Variants in HCN1 observed in about 807,000 individuals in gnomAD.
HCN1 encodes potassium/sodium hyperpolarization-activated cyclic nucleotide-gated channel 1.
In HCN1, 13 loss-of-function variants were observed where a neutral mutation model predicts 78.9. That is an observed-to-expected ratio of 0.16 (90% CI 0.11 to 0.26). The LOEUF (loss-of-function observed/expected upper bound fraction) is 0.26. Among genes scored for constraint, HCN1 ranks in the 10% least tolerant of loss-of-function variants. The probability of loss-of-function intolerance (pLI) is 1.00; values close to 1 mark genes in which losing one functional copy is unlikely to be tolerated. For synonymous variants in HCN1, 552 were observed against 455.5 expected (o/e 1.21, Z -2.70); for missense variants, 810 against 1,154.3 (o/e 0.70, Z 4.32).
intron 2 of HCN1, among the ~76,000 whole-genome samples, chr5:45,523,358 C>A (rs1425606049): frequency 1.3e-5 from 2 of 151,920 alleles, no homozygotes; most frequent in Non-Finnish European, 2.9e-5. Flanking sequence ...ATTTATAGTC[C>A]TTTGGGTATA....
At chr5:45,593,315 CTCTCTCCCTCTCT>C (rs1744418005) in intron 2 of HCN1, among the ~76,000 whole-genome samples, 4 of 117,300 alleles carry the variant, frequency 3.4e-5, no homozygotes, top group Non-Finnish European at 5.1e-5. Flanking sequence ...CTCTCTCTCT[CTCTCTCCCTCTCT>C]CTCTCTCTCT....
At chr5:45,377,083 A>C (rs571796926) in intron 4 of HCN1, among the ~76,000 whole-genome samples, 2 of 152,156 alleles carry the variant, frequency 1.3e-5, no homozygotes, top group South Asian at 4.1e-4. Context: ...GAACTAGAGA[A>C]AATGGTGGAA....
intron 2 of HCN1, among the ~76,000 whole-genome samples, chr5:45,556,087 C>A (rs969526199): frequency 2.0e-5 from 3 of 151,952 alleles, no homozygotes; most frequent in African/African-American, 7.2e-5. Context: ...AAATCTAAGA[C>A]CTCAAACTAT....
chr5:45,401,784 T>C (rs1457951198), intron 3 of HCN1, among the ~76,000 whole-genome samples: 1 of 152,050 alleles, frequency 6.6e-6, no homozygotes, highest in Non-Finnish European at 1.5e-5. Context: ...ATATCTCTTT[T>C]ATTATATATT....
intron 2 of HCN1, chr5:45,558,485 T>C (rs1743521875): frequency 6.6e-6 from 1 of 152,132 alleles, no homozygotes; most frequent in Non-Finnish European, 1.5e-5. Flanking sequence ...AAAAAATAGA[T>C]TTTCAATGTA....
chr5:45,430,013 T>A (rs988284581), intron 3 of HCN1, among the ~76,000 whole-genome samples: 1 of 151,814 alleles, frequency 6.6e-6, no homozygotes, highest in African/African-American at 2.4e-5. Flanking sequence ...TAAATAAGAA[T>A]TGAGCTATTA....
At position 45,631,006 on chromosome 5, in the gene HCN1, C is replaced by T. The variant is rs555909508; in HGVS notation, c.849+14179G>A. 9.2e-5 allele frequency among the ~76,000 whole-genome samples: 14 copies of T among 152,212 alleles called. No individual in the cohort carries two copies. The East Asian group carries it at 1.9e-3, about 21-fold the overall frequency. On this transcript the variant is annotated intron_variant, in intron 2 of 7. Transcript: ENST00000303230. ...ATTATAAAAACGTAGATCACATTTC[C>T]TCCACTATGACCTCATTAGCTAGCT... is the stretch of plus-strand genomic sequence containing the variant.
chr5:45,337,108 T>C (rs1190146699), intron 5 of HCN1, among the ~76,000 whole-genome samples: 1 of 152,094 alleles, frequency 6.6e-6, no homozygotes, highest in East Asian at 1.9e-4. Flanking sequence ...TTGTATACCC[T>C]CTATAATGGT....
At chr5:45,328,380 C>A (rs564944581) in intron 5 of HCN1, among the ~76,000 whole-genome samples, 2 of 151,556 alleles carry the variant, frequency 1.3e-5, no homozygotes, top group East Asian at 3.9e-4. Context: ...TCACTTGAAG[C>A]ATTTTATGGC....
At chr5:45,666,811 T>C (rs556744256) in intron 1 of HCN1, among the ~76,000 whole-genome samples, 6 of 152,162 alleles carry the variant, frequency 3.9e-5, no homozygotes, top group African/African-American at 9.6e-5. Flanking sequence ...ATAAAGACAC[T>C]GCATCATAGA....
At chr5:45,502,387 CAGG>C (rs1407827142) in intron 2 of HCN1, among the ~76,000 whole-genome samples, 1 of 151,456 alleles carries the variant, frequency 6.6e-6, no homozygotes, top group Admixed American at 6.6e-5. Context: ...GAGGCTGAGG[CAGG>C]AGAATGGTCA....
intron 5 of HCN1, among the ~76,000 whole-genome samples, chr5:45,330,348 C>G (rs1389855997): frequency 2.0e-5 from 3 of 151,110 alleles, no homozygotes; most frequent in African/African-American, 7.3e-5. Flanking sequence ...GATATATCAA[C>G]AGTTTGTTGG....
At chr5:45,398,332 G>A (rs532379404) in intron 3 of HCN1, among the ~76,000 whole-genome samples, 2 of 152,104 alleles carry the variant, frequency 1.3e-5, no homozygotes, top group Admixed American at 6.5e-5. Flanking sequence ...CTTCCCCAGA[G>A]GTAACATGCT....
chr5:45,472,954 T>C (rs985105128), intron 2 of HCN1, among the ~76,000 whole-genome samples: 6 of 151,928 alleles, frequency 3.9e-5, no homozygotes, highest in Non-Finnish European at 7.4e-5. Flanking sequence ...ACATCTTTTT[T>C]GTGTGTCTAG....
intron 2 of HCN1, among the ~76,000 whole-genome samples, chr5:45,485,305 A>C (rs908883450): frequency 2.0e-5 from 3 of 152,142 alleles, no homozygotes; most frequent in African/African-American, 4.8e-5. Flanking sequence ...TATGACTATC[A>C]ACACTGTTAA....
chr5:45,288,389 A>G (rs1579781552), intron 6 of HCN1, among the ~76,000 whole-genome samples: 1 of 152,042 alleles, frequency 6.6e-6, no homozygotes, highest in East Asian at 1.9e-4. Context: ...TGGATGTTTC[A>G]TGCCAAACAA....
intron 5 of HCN1, among the ~76,000 whole-genome samples, chr5:45,326,122 C>T (rs1046810856): frequency 5.9e-5 from 9 of 151,450 alleles, no homozygotes; most frequent in East Asian, 1.9e-4. Flanking sequence ...AAAAGGACCA[C>T]GCATTTTCCT....
chr5:45,266,304 T>C (rs1333282533), intron 7 of HCN1, among the ~76,000 whole-genome samples: 1 of 152,198 alleles, frequency 6.6e-6, no homozygotes, highest in African/African-American at 2.4e-5. Flanking sequence ...GCTTTTTTTT[T>C]CTGCTTGAGT....
At chr5:45,452,822 A>G (rs1712951012) in intron 3 of HCN1, among the ~76,000 whole-genome samples, 1 of 152,084 alleles carries the variant, frequency 6.6e-6, no homozygotes, top group Admixed American at 6.6e-5. Context: ...AATAAATTAC[A>G]TCTCTAAAAA....
Sources: gnomAD v4.1 joint callset for allele counts (sites outside exome capture counted in the v4.1 genomes callset) on GRCh38, gnomAD v4.1.1 for gene constraint, MANE v1.5 for transcripts, NCBI Gene and HGNC (gene_info 2026-07-23, HGNC 2026-07-21) for gene names.